Variants in TMEM108 observed in about 807,000 individuals in gnomAD.
The protein encoded by TMEM108 is cancer/testis antigen 124.
Under a neutral mutation model 35.1 loss-of-function variants are expected in TMEM108, and 12 were observed. The ratio of observed to expected loss-of-function variants is 0.34; its 90% confidence interval spans 0.22 to 0.55. TMEM108 has a LOEUF of 0.55. TMEM108 is among the 20% of genes least tolerant of loss of function. The pLI is 0.89. For synonymous variants in TMEM108, 287 were observed against 308.6 expected (o/e 0.93, Z 0.73); for missense variants, 680 against 753.3 (o/e 0.90, Z 1.14).
At position 133,151,978 on chromosome 3, in the gene TMEM108, C is replaced by G. The variant is rs564701978; in HGVS notation, c.-46-77288C>G. Among the ~76,000 whole-genome samples, 3 of 152,230 alleles carry G rather than the reference C, an allele frequency of 2.0e-5. No homozygotes were observed. The East Asian group carries it at 5.8e-4, about 29-fold the overall frequency. On this transcript the variant is annotated intron_variant, in intron 2 of 5. Transcript: ENST00000321871. ...GATGCCAACCAGAGTAGACCATATGCTACTGTATGCATCTACAGCTGACCT... is the reference window on the plus strand; with the variant it reads ...GATGCCAACCAGAGTAGACCATATGGTACTGTATGCATCTACAGCTGACCT...
At chr3:133,045,590 G>C (rs1490051393) in intron 1 of TMEM108, among the ~76,000 whole-genome samples, 1 of 152,212 alleles carries the variant, frequency 6.6e-6, no homozygotes, top group African/African-American at 2.4e-5. Context: ...GCTCATGCAA[G>C]CTTCTTCATA....
At chr3:133,373,042 C>T (rs1364666402) in intron 3 of TMEM108, among the ~76,000 whole-genome samples, 23 of 152,074 alleles carry the variant, frequency 1.5e-4, no homozygotes, top group Non-Finnish European at 3.1e-4. Context: ...AGAGATGGAC[C>T]ATACTAGAAC....
intron 3 of TMEM108, among the ~76,000 whole-genome samples, chr3:133,349,249 T>C (rs2071916522): frequency 6.6e-6 from 1 of 152,034 alleles, no homozygotes. Flanking sequence ...CACAGGAACA[T>C]AACAGAGGAG....
intron 2 of TMEM108, among the ~76,000 whole-genome samples, chr3:133,057,252 G>A (rs1410769154): frequency 6.6e-6 from 1 of 151,810 alleles, no homozygotes; most frequent in East Asian, 1.9e-4. Context: ...TTTCTCAGAC[G>A]ACCACCTTCT....
chr3:133,243,953 T>C (rs949069006), intron 3 of TMEM108, among the ~76,000 whole-genome samples: 3 of 151,946 alleles, frequency 2.0e-5, no homozygotes, highest in Non-Finnish European at 2.9e-5. Flanking sequence ...GGGAAAAGGG[T>C]AGTGGGCCTG....
chr3:133,193,698 G>A (rs1945534023), intron 2 of TMEM108, among the ~76,000 whole-genome samples: 2 of 152,116 alleles, frequency 1.3e-5, no homozygotes, highest in Admixed American at 6.6e-5. Context: ...TTCCAACATA[G>A]TACCCAGATA....
intron 3 of TMEM108, among the ~76,000 whole-genome samples, chr3:133,295,898 C>A (rs918272379): frequency 1.3e-5 from 2 of 152,092 alleles, no homozygotes; most frequent in Non-Finnish European, 2.9e-5. Context: ...ACCAAGGCCC[C>A]CTGAATGAAA....
intron 3 of TMEM108, among the ~76,000 whole-genome samples, chr3:133,338,002 G>T (rs891838050): frequency 6.6e-6 from 1 of 151,970 alleles, no homozygotes; most frequent in African/African-American, 2.4e-5. Flanking sequence ...AAAAATACAC[G>T]TCGGAGGAGG....
In TMEM108 at chr3:133,129,361, A is replaced by C. The variant is rs1013345372; in HGVS notation, c.-47+83341A>C. On this transcript the variant is annotated intron_variant, in intron 2 of 5. Coordinates refer to ENST00000321871, the MANE Select transcript of TMEM108 (RefSeq NM_023943.4). Reference sequence around the variant, plus strand: ...CTCCGCACCCACACCCCCCCCCCCAAAAAAAAATAAACGAAACACTAAATT... The same window carrying C: ...CTCCGCACCCACACCCCCCCCCCCACAAAAAAATAAACGAAACACTAAATT... Among the ~76,000 whole-genome samples, 315 of 68,380 alleles carry C rather than the reference A, an allele frequency of 4.6e-3. 4 individuals carry two copies. Among genetic ancestry groups the C allele is most frequent in the African/African-American group, 0.02 (267 of 13,466 alleles). 44.9% of individuals were successfully genotyped at this position (68,380 alleles called of 152,430 possible).
chr3:133,325,598 A>G (rs1473210920), intron 3 of TMEM108, among the ~76,000 whole-genome samples: 1 of 152,134 alleles, frequency 6.6e-6, no homozygotes, highest in African/African-American at 2.4e-5. Flanking sequence ...GGCATGTGCC[A>G]GCAGTCCTAG....
At chr3:133,045,600 A>G (rs1478232408) in intron 1 of TMEM108, among the ~76,000 whole-genome samples, 4 of 152,180 alleles carry the variant, frequency 2.6e-5, no homozygotes, top group Non-Finnish European at 5.9e-5. Context: ...GCTTCTTCAT[A>G]CTGTTTTCCA....
chr3:133,210,912 G>A (rs547391572), intron 2 of TMEM108, among the ~76,000 whole-genome samples: 5 of 152,216 alleles, frequency 3.3e-5, no homozygotes, highest in Admixed American at 2.0e-4. Context: ...CATAAATGAT[G>A]TATTTTGAAA....
At chr3:133,082,147 TCAA>T (rs1943819662) in intron 2 of TMEM108, among the ~76,000 whole-genome samples, 1 of 152,216 alleles carries the variant, frequency 6.6e-6, no homozygotes, top group Admixed American at 6.5e-5. Flanking sequence ...CCAAGTTACT[TCAA>T]CAGCCATTCT....
At chr3:133,127,642 T>G (rs576824233) in intron 2 of TMEM108, among the ~76,000 whole-genome samples, 1 of 152,220 alleles carries the variant, frequency 6.6e-6, no homozygotes, top group Admixed American at 6.5e-5. Context: ...TCTGCCTCCC[T>G]CAGGCTCCTC....
chr3:133,204,389 T>C (rs1296006352), intron 2 of TMEM108, among the ~76,000 whole-genome samples: 1 of 152,192 alleles, frequency 6.6e-6, no homozygotes, highest in African/African-American at 2.4e-5. Context: ...TTAATTGTGA[T>C]GATAGGGTGT....
At chr3:133,264,730 A>G (rs1946673263) in intron 3 of TMEM108, among the ~76,000 whole-genome samples, 1 of 152,170 alleles carries the variant, frequency 6.6e-6, no homozygotes, top group Admixed American at 6.5e-5. Context: ...CACTTACCAT[A>G]AAAAGAACAG....
chr3:133,202,138 G>A (rs981787215), intron 2 of TMEM108, among the ~76,000 whole-genome samples: 2 of 148,646 alleles, frequency 1.3e-5, no homozygotes, highest in African/African-American at 4.9e-5. Flanking sequence ...CCTACTTTTT[G>A]ATGGGGTTGT....
chr3:133,137,593 C>T (rs1292697513), intron 2 of TMEM108, among the ~76,000 whole-genome samples: 2 of 152,150 alleles, frequency 1.3e-5, no homozygotes, highest in East Asian at 3.9e-4. Context: ...GCCTGTTAGA[C>T]CATTTGTCAG....
At chr3:133,167,706 A>G (rs1315420254) in intron 2 of TMEM108, among the ~76,000 whole-genome samples, 1 of 152,222 alleles carries the variant, frequency 6.6e-6, no homozygotes, top group Admixed American at 6.5e-5. Flanking sequence ...CGCCGAGCCC[A>G]CACCCACCCG....
Sources: gnomAD v4.1 joint callset for allele counts (sites outside exome capture counted in the v4.1 genomes callset) on GRCh38, gnomAD v4.1.1 for gene constraint, MANE v1.5 for transcripts, NCBI Gene and HGNC (gene_info 2026-07-23, HGNC 2026-07-21) for gene names.